Variants in TCF20 observed in about 807,000 individuals in gnomAD.
TCF20 encodes the protein transcription factor 20.
In TCF20, 3 loss-of-function variants were observed where a neutral mutation model predicts 148.6. The ratio of observed to expected loss-of-function variants is 0.02; its 90% CI spans 0.01 to 0.05. The LOEUF (loss-of-function observed/expected upper bound fraction) is 0.05, where lower values mean the gene tolerates loss of function less well. TCF20 is among the 10% of genes least tolerant of loss of function. TCF20 has a pLI of 1.00. For missense variants in TCF20, 2,350 were observed against 2,429.3 expected (o/e 0.97, Z 0.69); for synonymous variants, 1,049 against 909.5 (o/e 1.15, Z -2.76).
chr22:42,257,976 T>C (rs1474255774), intron 1 of TCF20, among the ~76,000 whole-genome samples: 3 of 152,144 alleles, frequency 2.0e-5, no homozygotes, highest in African/African-American at 4.8e-5. Flanking sequence ...TCTGAAATAA[T>C]TTACAAGTCA....
At chr22:42,252,512 C>T (rs1004455716) in intron 1 of TCF20, among the ~76,000 whole-genome samples, 1 of 152,030 alleles carries the variant, frequency 6.6e-6, no homozygotes, top group Non-Finnish European at 1.5e-5. Flanking sequence ...AGTGCAGTGG[C>T]ACATCTCGAC....
chr22:42,172,537 A>C (rs1444671916), intron 3 of TCF20, among the ~76,000 whole-genome samples: 1 of 152,228 alleles, frequency 6.6e-6, no homozygotes, highest in Non-Finnish European at 1.5e-5. Flanking sequence ...CCTAGTCAAC[A>C]AGATGGCTTG....
intron 2 of TCF20, among the ~76,000 whole-genome samples, chr22:42,205,782 T>A (rs1041473127): frequency 2.6e-5 from 4 of 152,256 alleles, no homozygotes; most frequent in African/African-American, 9.6e-5. Flanking sequence ...TTTTTCTTAT[T>A]TTTTTTAGAG....
intron 1 of TCF20, among the ~76,000 whole-genome samples, chr22:42,298,871 C>T (rs575544622): frequency 2.6e-5 from 4 of 152,352 alleles, no homozygotes; most frequent in African/African-American, 7.2e-5. Flanking sequence ...CCAGAACCAG[C>T]GTGCCCAATG....
At chr22:42,202,694 G>A (rs868340711) in intron 2 of TCF20, among the ~76,000 whole-genome samples, 16 of 152,204 alleles carry the variant, frequency 1.1e-4, no homozygotes, top group Middle Eastern at 3.2e-3. Context: ...CTTGGGGTGC[G>A]GAGGAGGAAC....
chr22:42,203,958 T>C (rs1177522250), intron 2 of TCF20, among the ~76,000 whole-genome samples: 1 of 152,044 alleles, frequency 6.6e-6, no homozygotes, highest in African/African-American at 2.4e-5. Flanking sequence ...AACATATAGT[T>C]GAGAATTTAG....
At chr22:42,342,277 T>G (rs1177731812) in intron 1 of TCF20, among the ~76,000 whole-genome samples, 1 of 150,628 alleles carries the variant, frequency 6.6e-6, no homozygotes. Context: ...AGATGGGGAA[T>G]GGGGGAGAAA....
At chr22:42,219,812 C>T (rs866925372) in intron 1 of TCF20, among the ~76,000 whole-genome samples, 2 of 151,946 alleles carry the variant, frequency 1.3e-5, no homozygotes, top group Non-Finnish European at 2.9e-5. Flanking sequence ...GCAGAGATCG[C>T]GCCACTGCCC....
intron 1 of TCF20, among the ~76,000 whole-genome samples, chr22:42,220,768 G>A (rs1922284375): frequency 6.6e-6 from 1 of 152,100 alleles, no homozygotes; most frequent in Non-Finnish European, 1.5e-5. Flanking sequence ...TACTCTCCTG[G>A]CTCCCACCCC....
chr22:42,292,882 T>C lies in TCF20; in HGVS notation c.-37+50597A>G, dbSNP rs536038865. 2.0e-5 allele frequency among the ~76,000 whole-genome samples: 3 copies of C among 150,560 alleles called. No homozygotes were observed. The highest frequency in any genetic ancestry group is 1.3e-4 in the Admixed American group (2 of 15,050). ...CACATGGCTGGTGTGACCCTTCCAC[T>C]GTCCCCAGCGCTGGATACTAGATCC... On this transcript the variant is annotated intron_variant, in intron 1 of 1. Transcript: ENST00000515426. This position sits in a 1 kb window ranked among gnomAD's most constrained non-coding sequence, Gnocchi z 4.9.
chr22:42,170,500 TA>T (rs76842215), intron 3 of TCF20, among the ~76,000 whole-genome samples: 265 of 135,176 alleles, frequency 2.0e-3, no homozygotes, highest in African/African-American at 4.0e-3. Context: ...AAAACTGTCT[TA>T]AAAAAAAAAA....
chr22:42,268,170 T>C (rs1001975591), intron 1 of TCF20, among the ~76,000 whole-genome samples: 1 of 146,672 alleles, frequency 6.8e-6, no homozygotes, highest in African/African-American at 2.5e-5. Flanking sequence ...TAAAAGGGGA[T>C]TTAATTTTAA....
chr22:42,266,728 G>A (rs1926306615), intron 1 of TCF20, among the ~76,000 whole-genome samples: 1 of 151,964 alleles, frequency 6.6e-6, no homozygotes, highest in Admixed American at 6.5e-5. Context: ...GCAGTGAGCA[G>A]AGACTGTGCC....
intron 1 of TCF20, among the ~76,000 whole-genome samples, chr22:42,335,261 C>T (rs898384275): frequency 6.6e-6 from 1 of 152,112 alleles, no homozygotes; most frequent in African/African-American, 2.4e-5. Flanking sequence ...CTTCTCCTGC[C>T]CCTGATAAAG....
intron 1 of TCF20, among the ~76,000 whole-genome samples, chr22:42,261,555 AT>A (rs535424485): frequency 7.8e-4 from 116 of 149,052 alleles, no homozygotes; most frequent in African/African-American, 2.4e-3. Context: ...TTCATTCTAC[AT>A]TTTTTTTTTT....
At chr22:42,339,320 G>T (rs535195129) in intron 1 of TCF20, among the ~76,000 whole-genome samples, 38 of 152,342 alleles carry the variant, frequency 2.5e-4, no homozygotes, top group Admixed American at 2.4e-3. Flanking sequence ...AGGCCACACA[G>T]CTGGACAGAT....
At chr22:42,235,242 T>G (rs765494975) in intron 1 of TCF20, among the ~76,000 whole-genome samples, 2 of 152,156 alleles carry the variant, frequency 1.3e-5, no homozygotes, top group Admixed American at 6.5e-5. Context: ...TGTATAAATG[T>G]AACAGACACT....
chr22:42,179,531 C>T (rs917490396), intron 3 of TCF20, 78 bp downstream of exon 3: 1 of 524,616 alleles, frequency 1.9e-6, no homozygotes. Context: ...AGAAAAAAAA[C>T]AACGACAACA....
At position 42,212,757 on chromosome 22, in the gene TCF20, T is replaced by C. The variant is rs761364551; in HGVS notation, c.2549A>G (p.Gln850Arg). The C allele has an allele frequency of 5.6e-6, 9 of 1,614,256 alleles. No individual in the cohort carries two copies. The highest frequency in any genetic ancestry group is 6.8e-6 in the Non-Finnish European group (8 of 1,180,042). ...ACCCCCAGGCTCATGTGCTGATGAC[T>C]GAGGCTCTATTTCAAACTTTCTGGG... ...PIPRKFEIEP[Q>R]SSAHEPGGSL... Residue 850 changes from glutamine (Q) to arginine (R), a missense_variant, in exon 2 of 6, where the codon CAG (glutamine) becomes CGG (arginine). This residue lies in a region of TCF20 where 1,641 missense variants were observed against 1,662.6 expected (regional missense o/e 0.99). Transcript: ENST00000677622.
Sources: allele counts gnomAD v4.1 joint callset (sites outside exome capture counted in the v4.1 genomes callset), GRCh38; gene constraint gnomAD v4.1.1; regional missense constraint gnomAD v4.1.1; non-coding constraint Gnocchi (gnomAD v3.1); transcripts MANE v1.5; gene names NCBI Gene and HGNC (gene_info 2026-07-23, HGNC 2026-07-21).